The following ACOT9 variants were observed in gnomAD, a reference collection of about 807,000 sequenced individuals.
The protein encoded by ACOT9 is acyl-coenzyme A thioesterase 9, mitochondrial.
Under a neutral mutation model 39.7 loss-of-function variants are expected in ACOT9, and 34 were observed. That is an observed-to-expected ratio of 0.86 (90% CI 0.65 to 1.14). The LOEUF (loss-of-function observed/expected upper bound fraction) is 1.14. ACOT9 is among the 50% of genes most tolerant of loss of function. The pLI, the probability that ACOT9 is intolerant of heterozygous loss-of-function variation, is 0.00. For missense variants in ACOT9, 313 were observed against 344.1 expected (o/e 0.91, Z 0.71); for synonymous variants, 110 against 120.5 (o/e 0.91, Z 0.57).
chrX:23,704,337 ATTTTTTTT>A (rs749027257), intron 15 of ACOT9, among the ~76,000 whole-genome samples: 3 of 88,724 alleles, frequency 3.4e-5, no homozygotes, highest in African/African-American at 1.3e-4. Flanking sequence ...TGCCCGGCTA[ATTTTTTTT>A]TTTTTTTTTT....
At chrX:23,723,438 A>G (rs1419079967) in intron 6 of ACOT9, among the ~76,000 whole-genome samples, 5 of 108,938 alleles carry the variant, frequency 4.6e-5, no homozygotes, top group African/African-American at 1.7e-4. Context: ...ACATGGTGAA[A>G]CCCCATGTCT....
At chrX:23,704,947 C>G in intron 14 of ACOT9, 46 bp downstream of exon 14, 1 of 1,178,064 alleles carries the variant, frequency 8.5e-7, no homozygotes, top group Non-Finnish European at 1.1e-6. Flanking sequence ...CTTCTAGGCT[C>G]AAATGAAAAA....
chrX:23,721,831 G>T, intron 8 of ACOT9, 50 bp downstream of exon 8: 5 of 1,044,162 alleles, frequency 4.8e-6, no homozygotes, highest in Non-Finnish European at 6.7e-6. Flanking sequence ...CTTGCATGGA[G>T]ACTAGCTGGT....
At chrX:23,735,801 G>T in intron 2 of ACOT9, 118 bp downstream of exon 2, 1 of 546,187 alleles carries the variant, frequency 1.8e-6, no homozygotes, top group Non-Finnish European at 2.9e-6. Flanking sequence ...AAATGTTTAT[G>T]AAAGATCTAC....
At position 23,736,014 on chromosome X, in the gene ACOT9, A is replaced by G; in HGVS notation, c.23T>C (p.Leu8Pro). ...AAGCTGCCCTTTGCCCAAGGCACAA[A>G]GCCTATAAAACAAGATAAAACACAG... is the stretch of plus-strand genomic sequence containing the variant. The part of the protein sequence containing the change: MRRAALR[L>P]CALGKGQLTP... Residue 8 changes from leucine to proline, a missense_variant and splice_region_variant, in exon 2 of 16, where the codon CTT becomes CCT. Physicochemically the swap from Leu to Pro is moderately conservative, Grantham distance 98. Transcript: ENST00000379303. 8.3e-7 allele frequency: 1 copy of G among 1,206,376 alleles called. No individual in the cohort carries two copies. The highest frequency in any genetic ancestry group is 1.1e-6 in the Non-Finnish European group (1 of 892,263).
intron 9 of ACOT9, 36 bp downstream of exon 9, chrX:23,713,099 C>G (rs1445834492): frequency 2.7e-6 from 3 of 1,111,078 alleles, no homozygotes; most frequent in Non-Finnish European, 2.5e-6. Flanking sequence ...CTTTGAAATT[C>G]TTCAAAATAA....
chrX:23,721,495 G>T (rs1487400969), intron 8 of ACOT9, among the ~76,000 whole-genome samples: 3 of 111,227 alleles, frequency 2.7e-5, no homozygotes, highest in African/African-American at 9.8e-5. Flanking sequence ...ATGGTTGGTT[G>T]AATCTGTGGA....
intron 6 of ACOT9, among the ~76,000 whole-genome samples, chrX:23,727,941 T>C (rs1191291634): frequency 4.0e-5 from 4 of 100,621 alleles, no homozygotes; most frequent in Non-Finnish European, 8.0e-5. Context: ...GAAGATGCAA[T>C]GAGCCAAGAT....
chrX:23,729,444 CA>C (rs1413562473), intron 6 of ACOT9, among the ~76,000 whole-genome samples: 1 of 111,827 alleles, frequency 8.9e-6, no homozygotes, highest in Non-Finnish European at 1.9e-5. Context: ...GGACCACTGG[CA>C]AAAGTTGAAT....
chrX:23,714,882 T>C lies in ACOT9; in HGVS notation c.589-1674A>G, dbSNP rs535551387. Among the ~76,000 whole-genome samples, 74 of 111,608 alleles carry C rather than the reference T, an allele frequency of 6.6e-4. 1 individual carries two copies. Among genetic ancestry groups the C allele is most frequent in the African/African-American group, 2.3e-3 (70 of 30,819 alleles). On this transcript the variant is annotated intron_variant, in intron 8 of 15. Transcript: ENST00000379303. ...TACCAGCCTCAGCCTCCCAAAATGC[T>C]GGGATTACAGGCATGAGCCACCATG...
chrX:23,708,356 C>T (rs1181908151), intron 9 of ACOT9, among the ~76,000 whole-genome samples: 2 of 110,235 alleles, frequency 1.8e-5, no homozygotes, highest in African/African-American at 3.3e-5. Context: ...CAAGGAGAAA[C>T]CTCGTTTCTA....
At chrX:23,707,013 C>G (rs1928716885) in intron 10 of ACOT9, 1 of 201,534 alleles carries the variant, frequency 5.0e-6, no homozygotes, top group African/African-American at 3.0e-5. Flanking sequence ...ACGGAGAAAA[C>G]AGGCCAGGTG....
chrX:23,731,067 C>T, intron 4 of ACOT9, 81 bp from the exon 5 acceptor site: 3 of 848,665 alleles, frequency 3.5e-6, no homozygotes, highest in Non-Finnish European at 4.9e-6. Context: ...CAGTAAGATA[C>T]CATCAAAGGA....
intron 1 of ACOT9, among the ~76,000 whole-genome samples, chrX:23,739,900 A>C (rs995887171): frequency 3.6e-5 from 4 of 110,813 alleles, no homozygotes; most frequent in African/African-American, 1.3e-4. Flanking sequence ...AATACAGAGA[A>C]ACACTTGGGC....
chrX:23,736,955 T>C (rs1286992268), intron 1 of ACOT9, among the ~76,000 whole-genome samples: 1 of 112,013 alleles, frequency 8.9e-6, no homozygotes, highest in Non-Finnish European at 1.9e-5. Flanking sequence ...ACACAGGCAA[T>C]ATCACAGATT....
chrX:23,716,538 G>A (rs1929087031), intron 8 of ACOT9, among the ~76,000 whole-genome samples: 1 of 111,964 alleles, frequency 8.9e-6, no homozygotes. Flanking sequence ...GCACTAGAAC[G>A]CAAACATGAA....
chrX:23,710,698 T>A (rs1405796660), intron 9 of ACOT9, among the ~76,000 whole-genome samples: 1 of 110,120 alleles, frequency 9.1e-6, no homozygotes, highest in African/African-American at 3.3e-5. Flanking sequence ...TACAAAAAAT[T>A]TAAAAATTAG....
chrX:23,706,755 A>G lies in ACOT9; in HGVS notation c.731-16T>C. 9.6e-7 allele frequency: 1 copy of G among 1,036,597 alleles called. No homozygotes were observed. Among genetic ancestry groups the G allele is most frequent in the Non-Finnish European group, 1.3e-6 (1 of 746,262 alleles). The allele number at this position is 1,036,597 out of a possible 1,213,427, so 85.4% of individuals were successfully genotyped here. A position where few individuals can be genotyped will look rare whatever the true frequency, so the allele number is the denominator to read the frequency against. On this transcript the variant is annotated splice_polypyrimidine_tract_variant and intron_variant, in intron 10 of 15. Transcript: ENST00000379303. ...CCCTTGTTCACTGGAACAAGGGAGA[A>G]TAAGGAGCAATGATCAGGACGGTCG...
chrX:23,712,078 C>T (rs888127123), intron 9 of ACOT9, among the ~76,000 whole-genome samples: 3 of 111,564 alleles, frequency 2.7e-5, no homozygotes, highest in Non-Finnish European at 5.6e-5. Flanking sequence ...GAAGACACAA[C>T]TGTTCTGGAT....
Sources: allele counts gnomAD v4.1 joint callset (sites outside exome capture counted in the v4.1 genomes callset), GRCh38; gene constraint gnomAD v4.1.1; transcripts MANE v1.5; gene names NCBI Gene and HGNC (gene_info 2026-07-23, HGNC 2026-07-21).